Variants in CEP85L observed in about 807,000 individuals in gnomAD.
CEP85L encodes the protein centrosomal protein 85L.
CEP85L carries 60 observed loss-of-function variants against 100.3 expected under a neutral mutation model. The observed-to-expected ratio is 0.60, with a 90% CI of 0.49 to 0.74. The LOEUF (loss-of-function observed/expected upper bound fraction) is 0.74. Among genes scored for constraint, CEP85L ranks in the 30% least tolerant of loss-of-function variants. CEP85L has a pLI of 0.00. For missense variants in CEP85L, 973 were observed against 936.2 expected, an observed-to-expected ratio of 1.04 and a Z score of -0.51; for synonymous variants, 319 against 322.7, an observed-to-expected ratio of 0.99 and a Z score of 0.12.
rs755614710 is a variant in CEP85L at position 118,470,499 on chromosome 6, T to A, written c.2022+38A>T. 4.0e-6 allele frequency: 5 copies of A among 1,248,708 alleles called. No individual in the cohort carries two copies. In the African/African-American group the frequency reaches 7.7e-5, roughly 19 times the overall value. The allele number at this position is 1,248,708 out of a possible 1,614,324, so 77.4% of individuals were successfully genotyped here. A position where few individuals can be genotyped will look rare whatever the true frequency, so the allele number is the denominator to read the frequency against. ...TATAAAATAAGCATTTTATAGTGAA[T>A]CATCCTTTCAAAGCAAAATTGAATT... On this transcript the variant is annotated intron_variant, in intron 11 of 12. Coordinates refer to ENST00000368491, the MANE Select transcript of CEP85L (RefSeq NM_001042475.3).
At chr6:118,492,368 C>T (rs984993646) in intron 5 of CEP85L, among the ~76,000 whole-genome samples, 1 of 152,022 alleles carries the variant, frequency 6.6e-6, no homozygotes, top group Non-Finnish European at 1.5e-5. Flanking sequence ...ATCCATGAAT[C>T]GGGGATTCTT....
chr6:118,622,485 C>A (rs1773514670), intron 2 of CEP85L, among the ~76,000 whole-genome samples: 1 of 152,164 alleles, frequency 6.6e-6, no homozygotes, highest in Non-Finnish European at 1.5e-5. Context: ...GATAGAAGTT[C>A]ATTTAGGTAC....
intron 2 of CEP85L, among the ~76,000 whole-genome samples, 182 bp from the exon 3 acceptor site, chr6:118,566,498 A>C (rs542302414): frequency 6.6e-6 from 1 of 152,192 alleles, no homozygotes; most frequent in East Asian, 1.9e-4. Flanking sequence ...GCTCACCGCA[A>C]TCTCTGCCTC....
intron 2 of CEP85L, among the ~76,000 whole-genome samples, chr6:118,616,253 T>C (rs142307474): frequency 7.2e-4 from 110 of 152,180 alleles, no homozygotes; most frequent in African/African-American, 2.5e-3. Context: ...AGGCCAGATG[T>C]GGTGGGTCAT....
At chr6:118,523,675 A>T in intron 4 of CEP85L, 127 bp downstream of exon 4, 1 of 485,070 alleles carries the variant, frequency 2.1e-6, no homozygotes, top group Non-Finnish European at 3.6e-6. Context: ...GGAGGGGCAG[A>T]GATGTGACAT....
chr6:118,517,824 G>A (rs1244009802), intron 4 of CEP85L, among the ~76,000 whole-genome samples: 1 of 152,204 alleles, frequency 6.6e-6, no homozygotes, highest in African/African-American at 2.4e-5. Flanking sequence ...AGTTTTCAAA[G>A]GGAATGCCTC....
rs397516783 is a variant in CEP85L, at chr6:118,559,073, T to C, written c.1020+6456A>G. 1.9e-6 allele frequency: 3 copies of C among 1,610,316 alleles called. No homozygotes were observed. Among genetic ancestry groups the C allele is most frequent in the Non-Finnish European group, 2.5e-6 (3 of 1,176,530 alleles). ...TTGCTGATCTGTATCATCGTGATGCTTCTCTGAAGTTCTGCTACAACCTCT... is the reference window on the plus strand; with the variant it reads ...TTGCTGATCTGTATCATCGTGATGCCTCTCTGAAGTTCTGCTACAACCTCT... On this transcript the variant is annotated intron_variant, in intron 3 of 12. Transcript: ENST00000368491.
chr6:118,521,504 T>G (rs938307120), intron 4 of CEP85L, among the ~76,000 whole-genome samples: 18 of 152,270 alleles, frequency 1.2e-4, no homozygotes, highest in Admixed American at 3.3e-4. Context: ...CTAAAATGCC[T>G]CCATTATTAC....
At chr6:118,493,087 G>A (rs76927647) in intron 5 of CEP85L, among the ~76,000 whole-genome samples, 4,463 of 152,246 alleles carry the variant, frequency 0.029, 111 homozygotes, top group African/African-American at 0.056. Context: ...AAAGTATTGG[G>A]AGAAAGTAGG....
chr6:118,625,305 T>G (rs1293313665), intron 2 of CEP85L, among the ~76,000 whole-genome samples: 3 of 152,208 alleles, frequency 2.0e-5, no homozygotes, highest in African/African-American at 4.8e-5. Flanking sequence ...TTTCTCTCAT[T>G]TCTAGCACCC....
chr6:118,611,510 A>G (rs143170082), intron 2 of CEP85L, among the ~76,000 whole-genome samples: 232 of 152,340 alleles, frequency 1.5e-3, no homozygotes, highest in Non-Finnish European at 2.6e-3. Context: ...TAACATATAA[A>G]TAATTACATT....
intron 1 of CEP85L, among the ~76,000 whole-genome samples, chr6:118,696,973 G>A (rs943473315): frequency 6.6e-6 from 1 of 152,042 alleles, no homozygotes; most frequent in Non-Finnish European, 1.5e-5. Flanking sequence ...ACATCTAAAG[G>A]CAGAAAAGGG....
chr6:118,639,877 A>G (rs17080423), intron 1 of CEP85L, among the ~76,000 whole-genome samples: 32,670 of 152,156 alleles, frequency 0.21, 4,657 homozygotes, highest in East Asian at 0.61. Context: ...AAAGGATTCA[A>G]ACAAGCGTTT....
chr6:118,497,601 C>T (rs181546977), intron 5 of CEP85L, among the ~76,000 whole-genome samples: 3 of 152,254 alleles, frequency 2.0e-5, no homozygotes, highest in Non-Finnish European at 4.4e-5. Context: ...TCCTCAAAAC[C>T]AGACCCTGGT....
chr6:118,615,851 G>A (rs1773001840), intron 2 of CEP85L, among the ~76,000 whole-genome samples: 1 of 152,198 alleles, frequency 6.6e-6, no homozygotes, highest in Admixed American at 6.5e-5. Flanking sequence ...AACAAACTGT[G>A]CACATGACTT....
chr6:118,582,120 C>T (rs1051981941), intron 2 of CEP85L, among the ~76,000 whole-genome samples: 1 of 152,150 alleles, frequency 6.6e-6, no homozygotes, highest in Non-Finnish European at 1.5e-5. Flanking sequence ...TGTCCCAATC[C>T]TTCCAGTCCC....
At chr6:118,698,812 C>T (rs1204179054) in intron 1 of CEP85L, among the ~76,000 whole-genome samples, 1 of 151,334 alleles carries the variant, frequency 6.6e-6, no homozygotes, top group African/African-American at 2.5e-5. Flanking sequence ...AAAAAAATTA[C>T]AATAATTTTT....
chr6:118,556,796 T>C (rs2114957530), intron 3 of CEP85L, among the ~76,000 whole-genome samples: 1 of 152,320 alleles, frequency 6.6e-6, no homozygotes, highest in East Asian at 1.9e-4. Context: ...TATTTCAAAA[T>C]TGACACATAA....
intron 2 of CEP85L, among the ~76,000 whole-genome samples, chr6:118,599,385 T>C (rs996872154): frequency 6.6e-6 from 1 of 152,178 alleles, no homozygotes; most frequent in South Asian, 2.1e-4. Flanking sequence ...ATATTATTAC[T>C]AAGTCATAAT....
Sources: gnomAD v4.1 joint callset for allele counts (sites outside exome capture counted in the v4.1 genomes callset) on GRCh38, gnomAD v4.1.1 for gene constraint, MANE v1.5 for transcripts, NCBI Gene and HGNC (gene_info 2026-07-23, HGNC 2026-07-21) for gene names.